EFEMP1: variants seen among roughly 807,000 people sequenced by gnomAD.
EFEMP1 encodes the protein EGF-like fibulin extracellular matrix protein 1, also known as EGF-containing fibulin-like extracellular matrix protein 1.
A neutral mutation model predicts 65.7 loss-of-function variants in EFEMP1; 18 were observed. The ratio of observed to expected loss-of-function variants is 0.27; its 90% CI spans 0.19 to 0.41. EFEMP1 has a LOEUF of 0.41. EFEMP1 is among the 10% of genes least tolerant of loss of function. EFEMP1 has a pLI of 1.00. For synonymous variants in EFEMP1, 237 were observed against 219.7 expected (o/e 1.08, Z -0.70); for missense variants, 469 against 624.8 (o/e 0.75, Z 2.66).
At chr2:55,914,047 A>G (rs1670583965) in intron 5 of EFEMP1, among the ~76,000 whole-genome samples, 1 of 152,202 alleles carries the variant, frequency 6.6e-6, no homozygotes, top group African/African-American at 2.4e-5. Context: ...ATAAAGGTGT[A>G]GAAAACTAAA....
intron 5 of EFEMP1, among the ~76,000 whole-genome samples, chr2:55,892,726 G>A (rs185500550): frequency 2.7e-4 from 41 of 152,208 alleles, no homozygotes; most frequent in African/African-American, 9.4e-4. Context: ...TTGTGTGTCT[G>A]CAGAGTACAA....
chr2:55,899,346 TGC>T (rs1470784420), intron 5 of EFEMP1, among the ~76,000 whole-genome samples: 7 of 152,362 alleles, frequency 4.6e-5, no homozygotes, highest in Non-Finnish European at 8.8e-5. Context: ...AAAGGTGGTG[TGC>T]CTAGGCTTCT....
At chr2:55,869,810 G>T (rs1005665001) in intron 11 of EFEMP1, among the ~76,000 whole-genome samples, 3 of 152,028 alleles carry the variant, frequency 2.0e-5, no homozygotes, top group South Asian at 2.1e-4. Context: ...GCTTGGTAGG[G>T]TGCCATCATT....
chr2:55,894,387 A>T (rs573486944), intron 5 of EFEMP1, among the ~76,000 whole-genome samples: 1 of 152,128 alleles, frequency 6.6e-6, no homozygotes, highest in Non-Finnish European at 1.5e-5. Flanking sequence ...TTCAAATGTC[A>T]TAGAGTTAAA....
rs905539440 is a variant in EFEMP1 at position 55,879,816 on chromosome 2, C to T, written c.640+1796G>A. Among the ~76,000 whole-genome samples the T allele has an allele frequency of 5.3e-5, 8 of 152,156 alleles. No homozygotes were observed. In the East Asian group the frequency reaches 1.3e-3, roughly 26 times the overall value. ...TACATGTTTAGAAATAGCAATTTGACATTAGTGCAACATTATTTTTATTGT... is the reference window on the plus strand; with the variant it reads ...TACATGTTTAGAAATAGCAATTTGATATTAGTGCAACATTATTTTTATTGT... On this transcript the variant is annotated intron_variant, in intron 6 of 11. Coordinates refer to ENST00000355426, the MANE Select transcript of EFEMP1 (RefSeq NM_001039348.3).
intron 9 of EFEMP1, among the ~76,000 whole-genome samples, chr2:55,874,117 T>C (rs1668929385): frequency 6.6e-6 from 1 of 152,104 alleles, no homozygotes; most frequent in Admixed American, 6.6e-5. Context: ...TTGTTCAAGA[T>C]TGTGCAGACT....
Position 55,917,957 on chromosome 2 carries a change from G to T in EFEMP1, c.225C>A (p.Ala75=). 1 of 1,614,172 alleles carries T rather than the reference G, an allele frequency of 6.2e-7. No individual in the cohort carries two copies. The highest frequency in any genetic ancestry group is 8.5e-7 in the Non-Finnish European group (1 of 1,180,038). Residue 75 remains alanine, a synonymous_variant, in exon 5 of 12, where the codon GCC becomes GCA. Transcript: ENST00000355426. This position sits in a 1 kb window ranked among gnomAD's most constrained non-coding sequence, Gnocchi z 6.3. Reference sequence around the variant, plus strand: ...GCTGTTCATTATTGACAATAATCTGGGCTGTTTTCGGAAGGCAGAGGTATC... The same window carrying T: ...GCTGTTCATTATTGACAATAATCTGTGCTGTTTTCGGAAGGCAGAGGTATC... The part of the protein sequence containing the change: ...YGGYLCLPKT[A]QIIVNNEQPQ...
intron 6 of EFEMP1, among the ~76,000 whole-genome samples, chr2:55,880,619 A>C (rs1264921120): frequency 3.3e-5 from 5 of 152,164 alleles, no homozygotes; most frequent in Non-Finnish European, 2.9e-5. Context: ...CTCAGGCGAA[A>C]ACTGACGCTG....
At chr2:55,891,183 C>T (rs933149302) in intron 5 of EFEMP1, among the ~76,000 whole-genome samples, 2 of 151,988 alleles carry the variant, frequency 1.3e-5, no homozygotes, top group Non-Finnish European at 2.9e-5. Context: ...GGCAGATTTT[C>T]GCTCAGTGTA....
At chr2:55,910,057 C>G (rs899137758) in intron 5 of EFEMP1, among the ~76,000 whole-genome samples, 6 of 152,150 alleles carry the variant, frequency 3.9e-5, no homozygotes, top group Admixed American at 2.6e-4. Flanking sequence ...GGTAGTTGAA[C>G]TTTTAGAATT....
chr2:55,898,319 T>A (rs1669907463), intron 5 of EFEMP1, among the ~76,000 whole-genome samples: 1 of 152,164 alleles, frequency 6.6e-6, no homozygotes, highest in African/African-American at 2.4e-5. Flanking sequence ...CTACTTAGAG[T>A]CAAACTTGTT....
At position 55,921,950 on chromosome 2, in the gene EFEMP1, T is replaced by G; in HGVS notation, c.81+410A>C. Reference sequence around the variant, plus strand: ...ATGTACACAAAGAAGGCCATGTGTCTTTATGGTGTTTAACGTTCTTACTTG... The same window carrying G: ...ATGTACACAAAGAAGGCCATGTGTCGTTATGGTGTTTAACGTTCTTACTTG... On this transcript the variant is annotated intron_variant, in intron 3 of 11. Coordinates refer to ENST00000355426, the MANE Select transcript of EFEMP1 (RefSeq NM_001039348.3). The surrounding 1 kb of genome is among the most constrained non-coding windows in gnomAD (Gnocchi z 4.1). 3.9e-6 allele frequency: 1 copy of G among 257,650 alleles called. No individual in the cohort carries two copies. Among genetic ancestry groups the G allele is most frequent in the Non-Finnish European group, 7.7e-6 (1 of 130,522 alleles). 16.0% of individuals were successfully genotyped at this position (257,650 alleles called of 1,614,324 possible). A position where few individuals can be genotyped will look rare whatever the true frequency, so the allele number is the denominator to read the frequency against.
In EFEMP1 at chr2:55,872,308, T is replaced by C. The variant is rs138823194; in HGVS notation, c.1001-1185A>G. Among the ~76,000 whole-genome samples, 1,012 of 152,256 alleles carry C rather than the reference T, an allele frequency of 6.6e-3. 5 individuals are homozygous for C. The highest frequency in any genetic ancestry group is 0.01 in the Non-Finnish European group (710 of 68,002). On this transcript the variant is annotated intron_variant, in intron 9 of 11. Transcript: ENST00000355426. ...GGATATGATCTCTTTTGAATTCTCA[T>C]ACCCGGTGTTCTTTTTTAAGGGCCT...
intron 5 of EFEMP1, among the ~76,000 whole-genome samples, chr2:55,893,635 T>G (rs371660668): frequency 4.6e-5 from 7 of 152,282 alleles, no homozygotes; most frequent in African/African-American, 1.7e-4. Context: ...AAAATGGAGG[T>G]ACCTGGTCCA....
intron 5 of EFEMP1, among the ~76,000 whole-genome samples, chr2:55,914,259 C>T (rs1386793100): frequency 1.3e-5 from 2 of 152,094 alleles, no homozygotes; most frequent in East Asian, 3.9e-4. Flanking sequence ...TCATGGGAAA[C>T]TCCCAGCGTT....
chr2:55,922,006 T>C lies in EFEMP1; in HGVS notation c.81+354A>G, dbSNP rs530687687. Reference sequence around the variant, plus strand: ...AGTCTTATTCTGCACGTATTGGTTTTATCTGCATGTGGTAGGAGTCCAGGT... The same window carrying C: ...AGTCTTATTCTGCACGTATTGGTTTCATCTGCATGTGGTAGGAGTCCAGGT... On this transcript the variant is annotated intron_variant, in intron 3 of 11. Transcript: ENST00000355426. This position sits in a 1 kb window ranked among gnomAD's most constrained non-coding sequence, Gnocchi z 5.5. 1.5e-5 allele frequency: 5 copies of C among 337,616 alleles called. No homozygotes were observed. The highest frequency in any genetic ancestry group is 2.9e-5 in the Non-Finnish European group (5 of 173,132). The allele number at this position is 337,616 out of a possible 1,614,324, so 20.9% of individuals were successfully genotyped here.
chr2:55,874,010 T>C lies in EFEMP1; in HGVS notation c.1000+936A>G, dbSNP rs77895723. Among the ~76,000 whole-genome samples the C allele has an allele frequency of 2.9e-3, 423 of 147,738 alleles. 4 individuals are homozygous for C. The highest frequency in any genetic ancestry group is 0.011 in the African/African-American group (412 of 39,110). Reference sequence around the variant, plus strand: ...AAAACACCTTGACCTGTACAAGCTTTATAGTTTACAAATTATTTTTATGTA... The same window carrying C: ...AAAACACCTTGACCTGTACAAGCTTCATAGTTTACAAATTATTTTTATGTA... On this transcript the variant is annotated intron_variant, in intron 9 of 11. Transcript: ENST00000355426.
rs1668922469 is a variant in EFEMP1, at chr2:55,873,946, C to T, written c.1000+1000G>A. On this transcript the variant is annotated intron_variant, in intron 9 of 11. Coordinates refer to ENST00000355426, the MANE Select transcript of EFEMP1 (RefSeq NM_001039348.3). This position sits in a 1 kb window ranked among gnomAD's most constrained non-coding sequence, Gnocchi z 4.6. ...ATTAAAAAGGACTCTCTACAGAAGA[C>T]GTACTACTGGTCACTTACATTGGTA... 6.6e-6 allele frequency among the ~76,000 whole-genome samples: 1 copy of T among 151,404 alleles called. No homozygotes were observed. Among genetic ancestry groups the T allele is most frequent in the African/African-American group, 2.4e-5 (1 of 40,992 alleles).
At chr2:55,887,141 A>C (rs1669450235) in intron 5 of EFEMP1, among the ~76,000 whole-genome samples, 1 of 152,156 alleles carries the variant, frequency 6.6e-6, no homozygotes, top group Non-Finnish European at 1.5e-5. Flanking sequence ...CAGTTTACAG[A>C]TGAAGAAAAA....
Sources: gnomAD v4.1 joint callset for allele counts (sites outside exome capture counted in the v4.1 genomes callset) on GRCh38, gnomAD v4.1.1 for gene constraint, Gnocchi (gnomAD v3.1) non-coding constraint, MANE v1.5 for transcripts, NCBI Gene and HGNC (gene_info 2026-07-23, HGNC 2026-07-21) for gene names.